The following MEF2C variants were observed in gnomAD, a reference collection of about 807,000 sequenced individuals.
MEF2C encodes the protein myocyte enhancer factor 2C.
In MEF2C, 6 loss-of-function variants were observed where a neutral mutation model predicts 50.5. The observed-to-expected ratio is 0.12, with a 90% confidence interval of 0.07 to 0.23. The LOEUF (loss-of-function observed/expected upper bound fraction) is 0.23. MEF2C is among the 10% of genes least tolerant of loss of function. MEF2C has a pLI of 1.00. For synonymous variants in MEF2C, 183 were observed against 228.0 expected (o/e 0.80, Z 1.78); for missense variants, 276 against 605.0 (o/e 0.46, Z 5.70).
chr5:88,887,884 A>G (rs1199479187), upstream of MEF2C, among the ~76,000 whole-genome samples: 1 of 152,250 alleles, frequency 6.6e-6, no homozygotes, highest in African/African-American at 2.4e-5. Flanking sequence ...TTTGCAATAT[A>G]CAAAGGATTT....
chr5:88,874,436 G>A (rs1169601996), intron 1 of MEF2C, among the ~76,000 whole-genome samples: 2 of 151,862 alleles, frequency 1.3e-5, no homozygotes, highest in Non-Finnish European at 2.9e-5. Flanking sequence ...ACAAATAAAT[G>A]TCAGAAAGTA....
At chr5:88,795,920 C>A (rs1413876054) in intron 3 of MEF2C, among the ~76,000 whole-genome samples, 1 of 152,106 alleles carries the variant, frequency 6.6e-6, no homozygotes, top group East Asian at 1.9e-4. Flanking sequence ...GTCATTGTTT[C>A]TGTTTATGTG....
At chr5:88,896,100 C>T (rs1476899480) in intron 1 of MEF2C, among the ~76,000 whole-genome samples, 1 of 152,154 alleles carries the variant, frequency 6.6e-6, no homozygotes, top group Non-Finnish European at 1.5e-5. Context: ...AATGGGAAAC[C>T]TGGCCCTTAC....
chr5:88,776,499 C>T (rs1044573017), intron 3 of MEF2C, among the ~76,000 whole-genome samples: 1 of 152,196 alleles, frequency 6.6e-6, no homozygotes, highest in Non-Finnish European at 1.5e-5. Flanking sequence ...CCCTCATCAA[C>T]CTCTTCCAGC....
chr5:88,785,741 T>C (rs111774649), intron 3 of MEF2C, among the ~76,000 whole-genome samples: 4 of 144,576 alleles, frequency 2.8e-5, no homozygotes, highest in South Asian at 2.4e-4. Context: ...CTTACAAATA[T>C]GAATTTTTAA....
chr5:88,880,380 ATGTCTT>A (rs1441535791), intron 1 of MEF2C, among the ~76,000 whole-genome samples: 2 of 152,056 alleles, frequency 1.3e-5, no homozygotes, highest in Non-Finnish European at 2.9e-5. Flanking sequence ...TTTAATAACT[ATGTCTT>A]TGTTGTTATG....
chr5:88,770,174 T>C (rs554538076), intron 3 of MEF2C, among the ~76,000 whole-genome samples: 2 of 152,326 alleles, frequency 1.3e-5, no homozygotes, highest in South Asian at 4.1e-4. Context: ...TAATTGTAAC[T>C]TCACATACTA....
chr5:88,859,585 A>G (rs968176678), intron 1 of MEF2C, among the ~76,000 whole-genome samples: 2 of 152,248 alleles, frequency 1.3e-5, no homozygotes, highest in African/African-American at 4.8e-5. Flanking sequence ...TCAGTATCCT[A>G]TTTTAGTTCA....
chr5:88,812,942 T>C (rs1803527421), intron 2 of MEF2C, among the ~76,000 whole-genome samples: 1 of 152,134 alleles, frequency 6.6e-6, no homozygotes, highest in African/African-American at 2.4e-5. Flanking sequence ...TAATGTTACA[T>C]TAAGAACCAT....
rs939164105 is a variant in MEF2C at position 88,778,850 on chromosome 5, G to C, written c.259-17522C>G. On this transcript the variant is annotated intron_variant, in intron 3 of 10. Coordinates refer to ENST00000504921, the MANE Select transcript of MEF2C (RefSeq NM_002397.5). ...AGAGCTTCAAGAACCACAAACACTTGGGTTTTGCATCTTGCCAGAAAATCT... is the reference window on the plus strand; with the variant it reads ...AGAGCTTCAAGAACCACAAACACTTCGGTTTTGCATCTTGCCAGAAAATCT... Among the ~76,000 whole-genome samples the C allele has an allele frequency of 4.6e-5, 7 of 152,286 alleles. No homozygotes were observed. The South Asian group carries it at 8.3e-4, about 18-fold the overall frequency.
upstream of MEF2C, chr5:88,883,758 A>G (rs80043958): frequency 0.19 from 29,310 of 151,634 alleles, 3,014 homozygotes; most frequent in Middle Eastern, 0.3. Context: ...ACTCTTGCAA[A>G]AGGGGGGCGG....
chr5:88,817,478 G>C (rs182903518), intron 2 of MEF2C, among the ~76,000 whole-genome samples: 1 of 151,928 alleles, frequency 6.6e-6, no homozygotes, highest in African/African-American at 2.4e-5. Context: ...TGAAGAGACT[G>C]AGATGGGGAC....
chr5:88,892,635 C>T (rs1337647600), intron 1 of MEF2C, among the ~76,000 whole-genome samples: 1 of 152,188 alleles, frequency 6.6e-6, no homozygotes, highest in Non-Finnish European at 1.5e-5. Context: ...TGCCTTATTT[C>T]CCTTTCACTG....
intron 2 of MEF2C, among the ~76,000 whole-genome samples, chr5:88,809,117 C>T (rs1801718125): frequency 6.6e-6 from 1 of 151,950 alleles, no homozygotes; most frequent in African/African-American, 2.4e-5. Flanking sequence ...CTTTAAATAG[C>T]CCCAAATGTG....
At chr5:88,856,261 T>C (rs1005606259) in intron 1 of MEF2C, among the ~76,000 whole-genome samples, 1 of 152,324 alleles carries the variant, frequency 6.6e-6, no homozygotes, top group Non-Finnish European at 1.5e-5. Flanking sequence ...AGCAGCAAAG[T>C]GTTCAAGAGG....
At chr5:88,877,257 T>C (rs1231901848) in intron 1 of MEF2C, among the ~76,000 whole-genome samples, 1 of 152,050 alleles carries the variant, frequency 6.6e-6, no homozygotes, top group East Asian at 1.9e-4. Flanking sequence ...TCATGTACTT[T>C]GAACTTTGTT....
At chr5:88,741,835 T>C (rs566980188) in intron 6 of MEF2C, 22 of 984,976 alleles carry the variant, frequency 2.2e-5, no homozygotes, top group Middle Eastern at 5.2e-4. Context: ...GTTAAAACAA[T>C]TGAAATGGAG....
chr5:88,903,067 A>G (rs1163989944), intron 1 of MEF2C, among the ~76,000 whole-genome samples: 1 of 152,084 alleles, frequency 6.6e-6, no homozygotes, highest in African/African-American at 2.4e-5. Flanking sequence ...CACTTTTTAA[A>G]AATATGTCCT....
intron 6 of MEF2C, chr5:88,734,129 AT>A: frequency 1.0e-6 from 1 of 984,786 alleles, no homozygotes; most frequent in Non-Finnish European, 1.2e-6. Context: ...ATCCTGAATC[AT>A]TATTGTGAAT....
Sources: allele counts gnomAD v4.1 joint callset (sites outside exome capture counted in the v4.1 genomes callset), GRCh38; gene constraint gnomAD v4.1.1; transcripts MANE v1.5; gene names NCBI Gene and HGNC (gene_info 2026-07-23, HGNC 2026-07-21).